DOCK9: variants seen among roughly 807,000 people sequenced by gnomAD.
The protein encoded by DOCK9 is dedicator of cytokinesis protein 9.
DOCK9 carries 89 observed loss-of-function variants against 263.3 expected under a neutral mutation model. That is an observed-to-expected ratio of 0.34 (90% CI 0.28 to 0.40). The LOEUF is 0.40. DOCK9 is among the 10% of genes least tolerant of loss of function. DOCK9 has a pLI of 1.00. For missense variants in DOCK9, 2,140 were observed against 2,603.4 expected, an observed-to-expected ratio of 0.82 and a Z score of 3.87; for synonymous variants, 976 against 973.1, an observed-to-expected ratio of 1.00 and a Z score of -0.06.
intron 45 of DOCK9, among the ~76,000 whole-genome samples, chr13:98,815,000 T>TAACATAACATAAAA (rs2091715091): frequency 6.6e-6 from 1 of 150,860 alleles, no homozygotes; most frequent in Non-Finnish European, 1.5e-5. Context: ...TAAAATAACC[T>TAACATAACATAAAA]TAATTTTTAC....
rs560995339 is a variant in DOCK9 at position 98,951,199 on chromosome 13, G to A, written c.243+4236C>T. Among the ~76,000 whole-genome samples, 14 of 152,158 alleles carry A rather than the reference G, an allele frequency of 9.2e-5. 1 individual carries two copies. The highest frequency in any genetic ancestry group is 3.4e-3 in the Middle Eastern group (1 of 294). Reference sequence around the variant, plus strand: ...AAAAATAAAGGTTTATTAATCACTAGGAAAAAATACTCCTCTCCAGTCCCT... The same window carrying A: ...AAAAATAAAGGTTTATTAATCACTAAGAAAAAATACTCCTCTCCAGTCCCT... On this transcript the variant is annotated intron_variant, in intron 2 of 52. Coordinates refer to ENST00000682017, the MANE Select transcript of DOCK9 (RefSeq NM_001366683.2).
intron 1 of DOCK9, chr13:99,015,486 C>T (rs1885256701): frequency 8.8e-6 from 14 of 1,597,366 alleles, no homozygotes; most frequent in Non-Finnish European, 1.1e-5. Context: ...CTTCTTTTGT[C>T]CAATTGTATG....
chr13:98,882,461 A>G (rs6491463), intron 23 of DOCK9, among the ~76,000 whole-genome samples: 95,173 of 152,080 alleles, frequency 0.63, 32,657 homozygotes, highest in Non-Finnish European at 0.77. Context: ...TTTCTATTCC[A>G]TTTCTCACAT....
chr13:98,880,711 C>A, intron 25 of DOCK9, 39 bp from the exon 26 acceptor site: 2 of 1,603,714 alleles, frequency 1.2e-6, no homozygotes, highest in African/African-American at 1.3e-5. Flanking sequence ...TGCACTGGCT[C>A]TCCAATGTGG....
intron 27 of DOCK9, among the ~76,000 whole-genome samples, chr13:98,878,216 T>C (rs1024029769): frequency 5.9e-5 from 9 of 152,200 alleles, no homozygotes; most frequent in Admixed American, 2.0e-4. Flanking sequence ...TCTCAATTGT[T>C]ATAAAATAAA....
At chr13:98,896,965 C>T (rs2047530117) in intron 15 of DOCK9, among the ~76,000 whole-genome samples, 1 of 152,164 alleles carries the variant, frequency 6.6e-6, no homozygotes, top group Non-Finnish European at 1.5e-5. Context: ...GGAATTTAGA[C>T]AGAGACACAC....
intron 15 of DOCK9, among the ~76,000 whole-genome samples, chr13:98,889,448 GGCTCCAGTGTCCAGC>G (rs2046290780): frequency 6.6e-6 from 1 of 152,166 alleles, no homozygotes; most frequent in Non-Finnish European, 1.5e-5. Flanking sequence ...AATCATCTTA[GGCTCCAGTGTCCAGC>G]ACAATGCTGG....
At chr13:98,870,741 C>T (rs1243727817) in intron 27 of DOCK9, among the ~76,000 whole-genome samples, 1 of 151,990 alleles carries the variant, frequency 6.6e-6, no homozygotes, top group Non-Finnish European at 1.5e-5. Context: ...AAAAATCAAA[C>T]CTGAATCAAA....
intron 21 of DOCK9, among the ~76,000 whole-genome samples, chr13:98,884,122 T>G (rs2045300789): frequency 6.6e-6 from 1 of 152,366 alleles, no homozygotes. Context: ...CTAAGTTATC[T>G]TTTCTGTTTC....
chr13:99,058,008 A>G (rs189692441), intron 1 of DOCK9, among the ~76,000 whole-genome samples: 3 of 152,286 alleles, frequency 2.0e-5, no homozygotes, highest in Non-Finnish European at 2.9e-5. Flanking sequence ...AAAAGGCAAA[A>G]GACGGCCAAA....
At chr13:99,068,174 C>T (rs117660726) in intron 1 of DOCK9, among the ~76,000 whole-genome samples, 4,203 of 152,306 alleles carry the variant, frequency 0.028, 94 homozygotes, top group South Asian at 0.062. Flanking sequence ...CCACCTCTTA[C>T]ACATGAAGGA....
rs2089731073 is a variant in DOCK9, at chr13:98,798,592, G to A, written c.5917-1103C>T. On this transcript the variant is annotated intron_variant, in intron 50 of 52. Transcript: ENST00000682017. The stretch of plus-strand genomic sequence containing the variant: ...GGTCTGTATTTGAAGAAGATAGAAA[G>A]AGGAAGGCTGATGAGACTCCATAAG... Among the ~76,000 whole-genome samples the A allele has an allele frequency of 2.0e-5, 3 of 152,200 alleles. No individual in the cohort carries two copies. The South Asian group carries it at 6.2e-4, about 32-fold the overall frequency.
chr13:98,814,424 A>ATTTTT (rs2091619100), intron 45 of DOCK9, among the ~76,000 whole-genome samples: 1 of 75,708 alleles, frequency 1.3e-5, no homozygotes. Flanking sequence ...TTTTTTTTTG[A>ATTTTT]GACAAGAGTC....
chr13:98,831,641 C>A lies in DOCK9; in HGVS notation c.4452+8G>T. 1 of 1,611,796 alleles carries A rather than the reference C, an allele frequency of 6.2e-7. No individual in the cohort carries two copies. The highest frequency in any genetic ancestry group is 8.5e-7 in the Non-Finnish European group (1 of 1,178,974). On this transcript the variant is annotated splice_region_variant and intron_variant, in intron 40 of 52. Coordinates refer to ENST00000682017, the MANE Select transcript of DOCK9 (RefSeq NM_001366683.2). ...AAACATCTAACCACTGCCCATGAAG[C>A]AACTTACCTTATAAATTAAGGACCT... is the stretch of plus-strand genomic sequence containing the variant.
At chr13:98,921,801 T>A (rs4772158) in intron 6 of DOCK9, among the ~76,000 whole-genome samples, 1 of 151,972 alleles carries the variant, frequency 6.6e-6, no homozygotes, top group Non-Finnish European at 1.5e-5. Flanking sequence ...AGAAAGCCTA[T>A]GTCAGTGTCT....
At chr13:98,897,418 T>C (rs2047606020) in intron 15 of DOCK9, 70 bp downstream of exon 15, 1 of 1,581,410 alleles carries the variant, frequency 6.3e-7, no homozygotes, top group African/African-American at 1.4e-5. Context: ...AAGTGACTGC[T>C]CCCCTGTTCC....
intron 44 of DOCK9, chr13:98,826,006 A>T: frequency 7.6e-7 from 1 of 1,321,116 alleles, no homozygotes; most frequent in Non-Finnish European, 9.9e-7. Flanking sequence ...GTATTAAATG[A>T]ACATGGAGCC....
At chr13:99,066,354 G>A (rs1246523099) in intron 1 of DOCK9, among the ~76,000 whole-genome samples, 1 of 86,218 alleles carries the variant, frequency 1.2e-5, no homozygotes, top group Non-Finnish European at 2.7e-5. Flanking sequence ...AAAAAAGACT[G>A]AATTTTCTTT....
intron 9 of DOCK9, among the ~76,000 whole-genome samples, chr13:98,911,560 GAC>G (rs1436114470): frequency 1.3e-5 from 2 of 152,016 alleles, no homozygotes; most frequent in African/African-American, 4.8e-5. Flanking sequence ...CCTTAATAAT[GAC>G]ATTATTTTAT....
Sources: allele counts gnomAD v4.1 joint callset (sites outside exome capture counted in the v4.1 genomes callset), GRCh38; gene constraint gnomAD v4.1.1; transcripts MANE v1.5; gene names NCBI Gene and HGNC (gene_info 2026-07-23, HGNC 2026-07-21).